The following RECK variants were observed in gnomAD, a reference collection of about 807,000 sequenced individuals.
The protein encoded by RECK is reversion-inducing cysteine-rich protein with Kazal motifs.
A neutral mutation model predicts 115.1 loss-of-function variants in RECK; 69 were observed. That is an observed-to-expected ratio of 0.60 (90% CI 0.49 to 0.73). RECK has a LOEUF of 0.73. RECK is among the 30% of genes least tolerant of loss of function. The pLI, the probability that RECK is intolerant of heterozygous loss-of-function variation, is 0.00. For synonymous variants in RECK, 414 were observed against 419.7 expected, an observed-to-expected ratio of 0.99 and a Z score of 0.17; for missense variants, 1,047 against 1,203.7, an observed-to-expected ratio of 0.87 and a Z score of 1.93.
intron 20 of RECK, 65 bp from the exon 21 acceptor site, chr9:36,122,759 T>G: frequency 7.5e-7 from 1 of 1,327,370 alleles, no homozygotes; most frequent in South Asian, 1.3e-5. Flanking sequence ...ACGTGGAATT[T>G]GTCTGGCTTG....
chr9:36,086,419 C>T (rs1195404985), intron 8 of RECK, among the ~76,000 whole-genome samples: 2 of 152,008 alleles, frequency 1.3e-5, no homozygotes, highest in Admixed American at 6.6e-5. Context: ...CCAGTGGGTT[C>T]GTGGTCTCGC....
chr9:36,037,953 G>A (rs1246477715), intron 1 of RECK, among the ~76,000 whole-genome samples: 2 of 147,770 alleles, frequency 1.4e-5, no homozygotes, highest in African/African-American at 2.5e-5. Context: ...ACGTGTGCAT[G>A]CAAAAGTGGT....
chr9:36,046,495 C>T (rs1023532265), intron 1 of RECK, among the ~76,000 whole-genome samples: 2 of 152,182 alleles, frequency 1.3e-5, no homozygotes, highest in African/African-American at 4.8e-5. Flanking sequence ...ACAATAATGG[C>T]TAAGGGTAAG....
chr9:36,049,735 T>G (rs915214812), intron 1 of RECK, among the ~76,000 whole-genome samples: 3 of 152,224 alleles, frequency 2.0e-5, no homozygotes, highest in Non-Finnish European at 4.4e-5. Flanking sequence ...AATTATTTAT[T>G]ATACAGTGTT....
intron 6 of RECK, among the ~76,000 whole-genome samples, chr9:36,076,663 A>C (rs1822462211): frequency 6.6e-6 from 1 of 152,212 alleles, no homozygotes; most frequent in Non-Finnish European, 1.5e-5. Context: ...AGAGTAGGGC[A>C]GGGAACTAGT....
In RECK at chr9:36,060,100, T is replaced by C. The variant is rs1378357048; in HGVS notation, c.235-19T>C. On this transcript the variant is annotated intron_variant, in intron 3 of 20. Coordinates refer to ENST00000377966, the MANE Select transcript of RECK (RefSeq NM_021111.3). ...AACTGGTTATCTACATAAAAGCCTTTTGTTGGGTACACTTTTAGGTTGAAA... is the reference window on the plus strand; with the variant it reads ...AACTGGTTATCTACATAAAAGCCTTCTGTTGGGTACACTTTTAGGTTGAAA... 8 of 1,612,788 alleles carry C rather than the reference T, an allele frequency of 5.0e-6. No individual in the cohort carries two copies. Among genetic ancestry groups the C allele is most frequent in the Non-Finnish European group, 5.9e-6 (7 of 1,179,200 alleles).
chr9:36,119,132 T>C (rs549009598), intron 18 of RECK, among the ~76,000 whole-genome samples, 165 bp downstream of exon 18: 1 of 152,216 alleles, frequency 6.6e-6, no homozygotes, highest in Non-Finnish European at 1.5e-5. Context: ...CTTAAAAAAC[T>C]AGGGCTTGCC....
intron 16 of RECK, among the ~76,000 whole-genome samples, chr9:36,113,269 A>T (rs539072590): frequency 6.6e-6 from 1 of 152,330 alleles, no homozygotes; most frequent in South Asian, 2.1e-4. Flanking sequence ...CCAATGCCAC[A>T]GTGCTTTCCT....
chr9:36,076,119 C>T (rs1951927), intron 6 of RECK, among the ~76,000 whole-genome samples: 46,307 of 152,106 alleles, frequency 0.3, 8,426 homozygotes, highest in Middle Eastern at 0.47. Context: ...AGGGCAGAGC[C>T]AGGGCTAGAA....
chr9:36,052,122 G>A (rs570266152), intron 1 of RECK, 143 bp from the exon 2 acceptor site: 1 of 585,540 alleles, frequency 1.7e-6, no homozygotes, highest in East Asian at 3.0e-5. Context: ...TGTAATAGGT[G>A]CTCAGTAAAG....
chr9:36,105,139 T>A lies in RECK; in HGVS notation c.1436-4T>A. The A allele has an allele frequency of 6.2e-7, 1 of 1,613,676 alleles. No individual in the cohort carries two copies. Among genetic ancestry groups the A allele is most frequent in the Non-Finnish European group, 8.5e-7 (1 of 1,179,816 alleles). ...GTTAAACTAATCTGTTTTGGTTTTT[T>A]CAGGGCCAAGTACTTTAGGTAACAT... On this transcript the variant is annotated splice_polypyrimidine_tract_variant and splice_region_variant and intron_variant, in intron 12 of 20. Coordinates refer to ENST00000377966, the MANE Select transcript of RECK (RefSeq NM_021111.3).
chr9:36,099,234 C>CAA (rs1473181072), intron 10 of RECK, among the ~76,000 whole-genome samples: 2 of 100,930 alleles, frequency 2.0e-5, no homozygotes, highest in African/African-American at 1.1e-4. Context: ...TCAACAACAA[C>CAA]AACAACAACA....
At chr9:36,098,313 G>A (rs1054041271) in intron 10 of RECK, among the ~76,000 whole-genome samples, 11 of 151,974 alleles carry the variant, frequency 7.2e-5, no homozygotes, top group African/African-American at 1.5e-4. Context: ...AATATATTAC[G>A]TTGCACACAA....
rs1820750886 is a variant in RECK, at chr9:36,038,357, T to C, written c.100+1259T>C. On this transcript the variant is annotated intron_variant, in intron 1 of 20. Transcript: ENST00000377966. ...TATAGCTAGGTTTCAAATTTAGCTG[T>C]AAACTATCCCAAAGAATAAAAGAGA... 2.0e-5 allele frequency among the ~76,000 whole-genome samples: 3 copies of C among 152,184 alleles called. No homozygotes were observed. In the South Asian group the frequency reaches 6.2e-4, roughly 31 times the overall value.
chr9:36,047,131 A>G (rs1436709131), intron 1 of RECK, among the ~76,000 whole-genome samples: 2 of 152,184 alleles, frequency 1.3e-5, no homozygotes, highest in African/African-American at 2.4e-5. Context: ...CTGCCCTCAC[A>G]TGAACTTTGT....
At chr9:36,095,426 A>G (rs901347751) in intron 10 of RECK, among the ~76,000 whole-genome samples, 1 of 152,258 alleles carries the variant, frequency 6.6e-6, no homozygotes, top group African/African-American at 2.4e-5. Context: ...TGCAATTATT[A>G]CACAGAATTT....
At chr9:36,053,175 A>G (rs1419457227) in intron 2 of RECK, among the ~76,000 whole-genome samples, 1 of 152,176 alleles carries the variant, frequency 6.6e-6, no homozygotes, top group Non-Finnish European at 1.5e-5. Context: ...TCACTGTGCT[A>G]TTCTTAAAAG....
At chr9:36,116,883 T>C in intron 16 of RECK, 102 bp from the exon 17 acceptor site, 1 of 896,764 alleles carries the variant, frequency 1.1e-6, no homozygotes, top group Non-Finnish European at 1.7e-6. Flanking sequence ...CTGATTCATC[T>C]CTTGCTCTCT....
chr9:36,074,738 A>G (rs1018216289), intron 6 of RECK, among the ~76,000 whole-genome samples: 8 of 152,232 alleles, frequency 5.3e-5, no homozygotes, highest in African/African-American at 1.7e-4. Context: ...CTTGGAATGC[A>G]TGGAGAAAGT....
Sources: allele counts gnomAD v4.1 joint callset (sites outside exome capture counted in the v4.1 genomes callset), GRCh38; gene constraint gnomAD v4.1.1; transcripts MANE v1.5; gene names NCBI Gene and HGNC (gene_info 2026-07-23, HGNC 2026-07-21).